The following CEP350 variants were observed in gnomAD, a reference collection of about 807,000 sequenced individuals.
The protein encoded by CEP350 is centrosomal protein 350.
A neutral mutation model predicts 331.8 loss-of-function variants in CEP350; 126 were observed. The observed-to-expected ratio is 0.38, with a 90% CI of 0.33 to 0.44. The LOEUF is 0.44. CEP350 is among the 20% of genes least tolerant of loss of function. The probability of loss-of-function intolerance (pLI) is 1.00; values close to 1 mark genes in which losing one functional copy is unlikely to be tolerated. For missense variants in CEP350, 3,406 were observed against 3,634.6 expected, an observed-to-expected ratio of 0.94 and a Z score of 1.62; for synonymous variants, 1,200 against 1,259.5, an observed-to-expected ratio of 0.95 and a Z score of 1.00.
In CEP350 at chr1:180,093,796, C is replaced by G. The variant is rs756458922; in HGVS notation, c.7691C>G (p.Ser2564Cys). 3 of 1,613,840 alleles carry G rather than the reference C, an allele frequency of 1.9e-6. No homozygotes were observed. Among genetic ancestry groups the G allele is most frequent in the South Asian group, 2.2e-5 (2 of 91,066 alleles). The change falls in exon 34 of 38, where the codon TCT becomes TGT. Residue 2564 changes from serine (S) to cysteine (C), a missense_variant. Transcript: ENST00000367607. The stretch of plus-strand genomic sequence containing the variant: ...ATTTTTGCTCCTCCTCAAAAAATAT[C>G]TCACATTCCAGAAAACTTTGATGAC... The part of the protein sequence containing the change: ...HGIFAPPQKI[S>C]HIPENFDDYV...
At chr1:180,101,417 C>T (rs1474709367) in intron 37 of CEP350, among the ~76,000 whole-genome samples, 2 of 152,074 alleles carry the variant, frequency 1.3e-5, no homozygotes, top group Admixed American at 1.3e-4. Context: ...AATGTTTTTA[C>T]ATTTTAGGGG....
intron 5 of CEP350, among the ~76,000 whole-genome samples, chr1:179,993,831 A>G (rs1653273346): frequency 2.6e-5 from 4 of 152,146 alleles, no homozygotes. Context: ...TCCATTCCTC[A>G]CTTAAAACTC....
At chr1:180,030,213 G>GTATATATA (rs35905506) in intron 14 of CEP350, among the ~76,000 whole-genome samples, 36 of 142,880 alleles carry the variant, frequency 2.5e-4, no homozygotes, top group African/African-American at 4.6e-4. Context: ...TAAATTTTTT[G>GTATATATA]TATATATATA....
At position 180,096,164 on chromosome 1, in the gene CEP350, A is replaced by C. The variant is rs148081287; in HGVS notation, c.9046A>C (p.Asn3016His). ...SSYFRRVKNPNNLDEIKSFIA... is the reference protein window; with the variant it reads ...SSYFRRVKNPHNLDEIKSFIA... Reference sequence around the variant, plus strand: ...TTATTTCCGACGAGTGAAAAATCCAAATAACCTTGATGAAATCAAGGTAAA... The same window carrying C: ...TTATTTCCGACGAGTGAAAAATCCACATAACCTTGATGAAATCAAGGTAAA... Residue 3016 changes from asparagine to histidine, a missense_variant, in exon 36 of 38, where the codon AAT becomes CAT. Asn to His is a moderately conservative substitution (Grantham distance 68, BLOSUM62 1). Coordinates refer to ENST00000367607, the MANE Select transcript of CEP350 (RefSeq NM_014810.5). 4.5e-6 allele frequency: 7 copies of C among 1,567,546 alleles called. No individual in the cohort carries two copies. The highest frequency in any genetic ancestry group is 6.1e-6 in the Non-Finnish European group (7 of 1,154,636).
chr1:180,043,043 T>C lies in CEP350; in HGVS notation c.4363-13T>C, dbSNP rs1656870107. On this transcript the variant is annotated splice_polypyrimidine_tract_variant and intron_variant, in intron 19 of 37. Coordinates refer to ENST00000367607, the MANE Select transcript of CEP350 (RefSeq NM_014810.5). ...TTAATACATTTGCCTTTCTTGTGTG[T>C]GTTCATGTTTAGATGGCAGAGTTGA... 5 of 1,607,788 alleles carry C rather than the reference T, an allele frequency of 3.1e-6. No individual in the cohort carries two copies. Among genetic ancestry groups the C allele is most frequent in the Non-Finnish European group, 4.2e-6 (5 of 1,176,962 alleles).
intron 1 of CEP350, among the ~76,000 whole-genome samples, chr1:179,984,713 C>CA (rs1652528300): frequency 6.6e-6 from 1 of 152,138 alleles, no homozygotes; most frequent in African/African-American, 2.4e-5. Flanking sequence ...AAAACCACCA[C>CA]AAGTGTCCAG....
intron 1 of CEP350, among the ~76,000 whole-genome samples, chr1:179,984,907 ATTAC>A (rs1414203730): frequency 6.6e-6 from 1 of 152,208 alleles, no homozygotes; most frequent in African/African-American, 2.4e-5. Flanking sequence ...AAAATACAGT[ATTAC>A]TTATCACTGA....
chr1:180,087,078 G>A (rs141364365), intron 31 of CEP350: 11 of 152,246 alleles, frequency 7.2e-5, no homozygotes, highest in African/African-American at 2.6e-4. Context: ...TACAGAATGG[G>A]TAATAACCAG....
intron 25 of CEP350, among the ~76,000 whole-genome samples, chr1:180,058,286 T>C (rs1479403891): frequency 6.6e-6 from 1 of 152,254 alleles, no homozygotes; most frequent in East Asian, 1.9e-4. Flanking sequence ...TCTGAAATGA[T>C]AGTAATTTTC....
At chr1:180,048,431 A>G (rs1657270973) in intron 21 of CEP350, 105 bp from the exon 22 acceptor site, 2 of 687,072 alleles carry the variant, frequency 2.9e-6, no homozygotes, top group Non-Finnish European at 2.5e-6. Context: ...CTTCATTTTT[A>G]TCTTGACTAT....
Position 180,020,407 on chromosome 1 carries a change from C to T in CEP350, c.2633C>T (p.Thr878Ile). Reference protein sequence around the residue: ...QEDGPWTKAVTPPVKDDNEDV... With the variant: ...QEDGPWTKAVIPPVKDDNEDV... The stretch of plus-strand genomic sequence containing the variant: ...GATGGACCTTGGACCAAGGCTGTAA[C>T]TCCACCTGTGAAAGATGATAATGAA... The change falls in exon 12 of 38, where the codon ACT becomes ATT. Residue 878 changes from threonine (T) to isoleucine (I), a missense_variant. This residue lies in a region of CEP350 where 1,857 missense variants were observed against 1,909.2 expected (regional missense o/e 0.97). Coordinates refer to ENST00000367607, the MANE Select transcript of CEP350 (RefSeq NM_014810.5). 1 of 1,613,848 alleles carries T rather than the reference C, an allele frequency of 6.2e-7. No individual in the cohort carries two copies. The highest frequency in any genetic ancestry group is 8.5e-7 in the Non-Finnish European group (1 of 1,179,900).
chr1:180,031,497 A>G lies in CEP350; in HGVS notation c.3725+3A>G, dbSNP rs1006477086. The G allele has an allele frequency of 1.5e-6, 2 of 1,367,238 alleles. No individual in the cohort carries two copies. Among genetic ancestry groups the G allele is most frequent in the Non-Finnish European group, 9.7e-7 (1 of 1,033,168 alleles). The allele number at this position is 1,367,238 out of a possible 1,614,324, so 84.7% of individuals were successfully genotyped here. ...GATCTTTCTGGACATTCTGTGAGGT[A>G]ATGTATATTTTATACTGTAATTTAT... On this transcript the variant is annotated splice_donor_region_variant and intron_variant, in intron 15 of 37. Coordinates refer to ENST00000367607, the MANE Select transcript of CEP350 (RefSeq NM_014810.5).
chr1:180,080,702 G>C (rs760880528), intron 30 of CEP350, 41 bp downstream of exon 30: 10 of 1,570,326 alleles, frequency 6.4e-6, no homozygotes, highest in Non-Finnish European at 8.7e-6. Flanking sequence ...TGTTGTATTT[G>C]AACAGCCTTT....
chr1:179,965,615 CTTTTTTTTTTTTT>C (rs747027286), intron 1 of CEP350, among the ~76,000 whole-genome samples: 5 of 84,420 alleles, frequency 5.9e-5, no homozygotes, highest in Non-Finnish European at 8.6e-5. Flanking sequence ...TTTTTCTTTT[CTTTTTTTTTTTTT>C]TTTTTTTTTG....
chr1:180,034,051 A>G lies in CEP350; in HGVS notation c.3915A>G (p.Arg1305=). 2 of 1,613,618 alleles carry G rather than the reference A, an allele frequency of 1.2e-6. No homozygotes were observed. The highest frequency in any genetic ancestry group is 1.7e-6 in the Non-Finnish European group (2 of 1,179,672). Residue 1305 remains arginine (R), a synonymous_variant, in exon 16 of 38, where the codon AGA becomes AGG. Coordinates refer to ENST00000367607, the MANE Select transcript of CEP350 (RefSeq NM_014810.5). ...CTGATCTGAACCCGGCAGCCAGCAG[A>G]ACAACGACAGAGAACATGGCTCCAA... The part of the protein sequence containing the change: ...PLTDLNPAAS[R]TTTENMAPIP...
At position 180,033,936 on chromosome 1, in the gene CEP350, A is replaced by G; in HGVS notation, c.3800A>G (p.Gln1267Arg). The change falls in exon 16 of 38, where the codon CAG becomes CGG. Residue 1267 changes from glutamine (Q) to arginine (R), a missense_variant. This residue lies in a region of CEP350 where 1,857 missense variants were observed against 1,909.2 expected (regional missense o/e 0.97). Transcript: ENST00000367607. ...PLSPSSQKSL[Q>R]FDVAGTSSER... is the part of the protein sequence containing the mutation. The stretch of plus-strand genomic sequence containing the variant: ...TCACCAAGTTCCCAGAAATCATTGC[A>G]GTTTGACGTTGCAGGAACTTCTTCA... 6.2e-7 allele frequency: 1 copy of G among 1,613,902 alleles called. No homozygotes were observed. The highest frequency in any genetic ancestry group is 8.5e-7 in the Non-Finnish European group (1 of 1,179,820).
In CEP350 at chr1:180,085,712, T is replaced by G. The variant is rs190435372; in HGVS notation, c.6285+1534T>G. 3.9e-5 allele frequency: 6 copies of G among 152,358 alleles called. No individual in the cohort carries two copies. In the East Asian group the frequency reaches 1.2e-3, roughly 29 times the overall value. The allele number at this position is 152,358 out of a possible 1,614,324, so 9.4% of individuals were successfully genotyped here. A position where few individuals can be genotyped will look rare whatever the true frequency, so the allele number is the denominator to read the frequency against. ...AATTTCAAGCTAATTGGTTTCCTTG[T>G]TAGACTCTAAGTGCTCTAAGTATTA... On this transcript the variant is annotated intron_variant, in intron 31 of 37. Transcript: ENST00000367607.
Position 180,092,856 on chromosome 1 carries a change from G to A in CEP350, c.6751G>A (p.Glu2251Lys). 1 of 1,567,758 alleles carries A rather than the reference G, an allele frequency of 6.4e-7. No individual in the cohort carries two copies. The highest frequency in any genetic ancestry group is 1.2e-5 in the South Asian group (1 of 85,502). Reference protein sequence around the residue: ...ILDMSDGKVGESSKKSEIKEI... With the variant: ...ILDMSDGKVGKSSKKSEIKEI... ...TGATATGTCAGATGGCAAGGTTGGA[G>A]AATCTAGTAAAAAATCAGAAATAAA... is the stretch of plus-strand genomic sequence containing the variant. Residue 2251 changes from glutamate to lysine, a missense_variant, in exon 34 of 38, where the codon GAA becomes AAA. Physicochemically the swap from Glu to Lys is moderately conservative, Grantham distance 56. Coordinates refer to ENST00000367607, the MANE Select transcript of CEP350 (RefSeq NM_014810.5).
intron 16 of CEP350, among the ~76,000 whole-genome samples, chr1:180,034,473 CTTTT>C (rs11451813): frequency 6.9e-6 from 1 of 145,360 alleles, no homozygotes; most frequent in African/African-American, 2.5e-5. Flanking sequence ...GTTTTTTTGT[CTTTT>C]TTTTTTTTTC....
Sources: gnomAD v4.1 joint callset for allele counts (sites outside exome capture counted in the v4.1 genomes callset) on GRCh38, gnomAD v4.1.1 for gene constraint, gnomAD v4.1.1 regional missense constraint, MANE v1.5 for transcripts, NCBI Gene and HGNC (gene_info 2026-07-23, HGNC 2026-07-21) for gene names.